Variants in XKR4 observed in about 807,000 individuals in gnomAD.
XKR4 encodes the protein XK related 4.
Under a neutral mutation model 53.9 loss-of-function variants are expected in XKR4, and 12 were observed. The ratio of observed to expected loss-of-function variants is 0.22; its 90% CI spans 0.14 to 0.36. The LOEUF is 0.36. Ranked by LOEUF, XKR4 falls within the 10% of genes least tolerant of loss-of-function variation. The pLI is 1.00. For synonymous variants in XKR4, 354 were observed against 362.4 expected, an observed-to-expected ratio of 0.98 and a Z score of 0.26; for missense variants, 799 against 859.5, an observed-to-expected ratio of 0.93 and a Z score of 0.88.
intron 1 of XKR4, chr8:55,164,189 C>G (rs1237985459): frequency 2.2e-6 from 1 of 456,672 alleles, no homozygotes; most frequent in Admixed American, 2.3e-5. Context: ...CACAGGTTGC[C>G]TCGTCCGCCG....
chr8:55,420,819 TAAA>T (rs1265642969), intron 2 of XKR4, among the ~76,000 whole-genome samples: 5 of 151,412 alleles, frequency 3.3e-5, no homozygotes, highest in African/African-American at 1.2e-4. Flanking sequence ...AATAAATAAA[TAAA>T]TAAAAAAGAA....
At chr8:55,325,834 G>A (rs1333756159) in intron 1 of XKR4, among the ~76,000 whole-genome samples, 2 of 151,974 alleles carry the variant, frequency 1.3e-5, no homozygotes, top group African/African-American at 4.8e-5. Flanking sequence ...GATTCTATGG[G>A]GAAATTTTTA....
chr8:55,113,784 G>T (rs1420841349), intron 1 of XKR4, among the ~76,000 whole-genome samples: 1 of 152,050 alleles, frequency 6.6e-6, no homozygotes, highest in Non-Finnish European at 1.5e-5. Flanking sequence ...ATGTCCATGT[G>T]TACCCATTGT....
chr8:55,171,368 G>T (rs1176911454), intron 1 of XKR4, among the ~76,000 whole-genome samples: 9 of 152,112 alleles, frequency 5.9e-5, no homozygotes, highest in Non-Finnish European at 1.3e-4. Context: ...AGGCAAGCTG[G>T]TGCTTGAACC....
chr8:55,269,646 G>A (rs1021593513), intron 1 of XKR4, among the ~76,000 whole-genome samples: 7 of 152,116 alleles, frequency 4.6e-5, no homozygotes, highest in Non-Finnish European at 1.0e-4. Flanking sequence ...ACAGCTCAGA[G>A]CCAAGTGTTG....
intron 2 of XKR4, among the ~76,000 whole-genome samples, chr8:55,360,209 G>C (rs905080431): frequency 5.3e-5 from 8 of 152,172 alleles, no homozygotes; most frequent in Admixed American, 1.3e-4. Context: ...ACAAAACAAA[G>C]AGTGAAAATA....
At chr8:55,472,448 T>A (rs1244298766) in intron 2 of XKR4, among the ~76,000 whole-genome samples, 1 of 152,148 alleles carries the variant, frequency 6.6e-6, no homozygotes, top group African/African-American at 2.4e-5. Context: ...CTGACTATTA[T>A]TAGTATGTAT....
intron 2 of XKR4, among the ~76,000 whole-genome samples, chr8:55,440,511 T>G (rs1805249115): frequency 1.3e-5 from 2 of 152,170 alleles, no homozygotes; most frequent in South Asian, 4.1e-4. Context: ...AATATTCTGA[T>G]TTAGACCTTA....
At chr8:55,458,028 C>T (rs1162455178) in intron 2 of XKR4, among the ~76,000 whole-genome samples, 2 of 152,130 alleles carry the variant, frequency 1.3e-5, no homozygotes, top group African/African-American at 2.4e-5. Context: ...GATTGAAAAA[C>T]ATTATTGTTA....
chr8:55,268,123 G>T (rs1052019688), intron 1 of XKR4, among the ~76,000 whole-genome samples: 3 of 152,148 alleles, frequency 2.0e-5, no homozygotes, highest in Non-Finnish European at 4.4e-5. Flanking sequence ...AAAAGACATT[G>T]TCGGAACAGC....
At chr8:55,449,930 G>A in intron 2 of XKR4, 1 of 873,362 alleles carries the variant, frequency 1.1e-6, no homozygotes, top group Non-Finnish European at 1.9e-6. Flanking sequence ...CCTCTATTCT[G>A]GTCACTCTCC....
At chr8:55,374,084 G>A (rs540205969) in intron 2 of XKR4, among the ~76,000 whole-genome samples, 1 of 152,188 alleles carries the variant, frequency 6.6e-6, no homozygotes, top group Non-Finnish European at 1.5e-5. Context: ...CAAGGGTCCT[G>A]AAAAATCACT....
At chr8:55,468,354 T>C (rs531549043) in intron 2 of XKR4, among the ~76,000 whole-genome samples, 1 of 152,276 alleles carries the variant, frequency 6.6e-6, no homozygotes, top group African/African-American at 2.4e-5. Context: ...GCTCTGAGTA[T>C]TTGAAAACAG....
chr8:55,242,714 C>T (rs917520692), intron 1 of XKR4, among the ~76,000 whole-genome samples: 4 of 152,012 alleles, frequency 2.6e-5, no homozygotes, highest in Non-Finnish European at 5.9e-5. Flanking sequence ...TGAGTTAGCC[C>T]CTGGCTTTAG....
intron 2 of XKR4, among the ~76,000 whole-genome samples, chr8:55,514,902 A>G (rs1806687978): frequency 6.6e-6 from 1 of 152,186 alleles, no homozygotes; most frequent in Non-Finnish European, 1.5e-5. Context: ...TATTGTTTAG[A>G]TAGTTTCAAA....
chr8:55,430,353 AG>A (rs1293119944), intron 2 of XKR4, among the ~76,000 whole-genome samples: 3 of 152,220 alleles, frequency 2.0e-5, no homozygotes, highest in Non-Finnish European at 4.4e-5. Flanking sequence ...GTGCATCAAA[AG>A]TCATAGCAGC....
rs750278637 is a variant in XKR4, at chr8:55,541,531, T to C, written c.*17304T>C. The C allele has an allele frequency of 1.3e-5, 2 of 152,118 alleles. No individual in the cohort carries two copies. The highest frequency in any genetic ancestry group is 4.8e-5 in the African/African-American group (2 of 41,402). 9.4% of individuals were successfully genotyped at this position (152,118 alleles called of 1,614,324 possible). On this transcript the variant is annotated 3_prime_UTR_variant, in exon 3 of 3. Coordinates refer to ENST00000327381, the MANE Select transcript of XKR4 (RefSeq NM_052898.2). The stretch of plus-strand genomic sequence containing the variant: ...GCATGACATTCTGATTGTGCAAAAA[T>C]GCCATTCCTGTGCTTCCCCCTCCAT...
At chr8:55,370,977 T>A (rs2129386093) in intron 2 of XKR4, among the ~76,000 whole-genome samples, 1 of 151,610 alleles carries the variant, frequency 6.6e-6, no homozygotes, top group South Asian at 2.1e-4. Context: ...TCTCCAAAAT[T>A]TCAGTCTAAT....
intron 2 of XKR4, among the ~76,000 whole-genome samples, chr8:55,468,815 G>C (rs1271574053): frequency 6.6e-6 from 1 of 152,204 alleles, no homozygotes; most frequent in African/African-American, 2.4e-5. Flanking sequence ...GAGGTTTTCT[G>C]CTTATATTCT....
Sources: gnomAD v4.1 joint callset for allele counts (sites outside exome capture counted in the v4.1 genomes callset) on GRCh38, gnomAD v4.1.1 for gene constraint, MANE v1.5 for transcripts, NCBI Gene and HGNC (gene_info 2026-07-23, HGNC 2026-07-21) for gene names.